The following REDIC1 variants were observed in gnomAD, a reference collection of about 807,000 sequenced individuals.
REDIC1 encodes the protein HEI10 Interacting Protein 1.
the REDIC1 span, among the ~76,000 whole-genome samples, chr12:39,773,762 C>G: frequency 6.6e-6 from 1 of 152,046 alleles, no homozygotes; most frequent in African/African-American, 2.4e-5. Context: ...GTATAAAAAC[C>G]AAAACTTCCA....
the REDIC1 span, among the ~76,000 whole-genome samples, chr12:39,880,519 T>C: frequency 6.6e-6 from 1 of 152,190 alleles, no homozygotes; most frequent in Non-Finnish European, 1.5e-5. Flanking sequence ...TACTAGTCAA[T>C]TGTATCATAC....
chr12:39,749,965 T>G, the REDIC1 span, among the ~76,000 whole-genome samples: 1 of 152,212 alleles, frequency 6.6e-6, no homozygotes, highest in Non-Finnish European at 1.5e-5. Flanking sequence ...AATATCATAC[T>G]GAATGGGCAA....
the REDIC1 span, chr12:39,682,647 T>G: frequency 6.2e-7 from 1 of 1,603,094 alleles, no homozygotes; most frequent in Non-Finnish European, 8.5e-7. Flanking sequence ...AAAGCCCTGC[T>G]GTAATTATGG....
the REDIC1 span, among the ~76,000 whole-genome samples, chr12:39,731,233 T>G: frequency 2.6e-5 from 4 of 152,024 alleles, no homozygotes; most frequent in Non-Finnish European, 4.4e-5. Context: ...GGAGAAGAGG[T>G]GTTCTGGTTT....
chr12:39,802,646 T>C, the REDIC1 span, among the ~76,000 whole-genome samples: 517 of 152,332 alleles, frequency 3.4e-3, 8 homozygotes, highest in African/African-American at 0.012. Flanking sequence ...TCTAGAACTA[T>C]ATGTATATAT....
At chr12:39,847,384 C>T in the REDIC1 span, among the ~76,000 whole-genome samples, 2 of 152,208 alleles carry the variant, frequency 1.3e-5, no homozygotes, top group South Asian at 4.1e-4. Context: ...CAAAAGAATA[C>T]ATTTCCCAGT....
chr12:39,776,617 C>A, the REDIC1 span, among the ~76,000 whole-genome samples: 1 of 152,158 alleles, frequency 6.6e-6, no homozygotes, highest in Admixed American at 6.5e-5. Flanking sequence ...AGAAGGGTCA[C>A]GGAGTTGACA....
chr12:39,628,471 G>C, the REDIC1 span, among the ~76,000 whole-genome samples: 30,611 of 152,028 alleles, frequency 0.2, 3,406 homozygotes, highest in African/African-American at 0.29. Flanking sequence ...CCCAAACCAT[G>C]CTGGAGTTCT....
chr12:39,725,112 G>T, the REDIC1 span, among the ~76,000 whole-genome samples: 1 of 151,972 alleles, frequency 6.6e-6, no homozygotes, highest in Non-Finnish European at 1.5e-5. Context: ...AAACATGAAA[G>T]CCACTGAAGA....
the REDIC1 span, among the ~76,000 whole-genome samples, chr12:39,857,277 C>T: frequency 0.015 from 2,210 of 152,246 alleles, 27 homozygotes; most frequent in Middle Eastern, 0.024. Flanking sequence ...GTACTGTGCT[C>T]ATTATGTGAC....
the REDIC1 span, among the ~76,000 whole-genome samples, chr12:39,817,592 G>C: frequency 6.6e-6 from 1 of 152,136 alleles, no homozygotes; most frequent in Non-Finnish European, 1.5e-5. Context: ...GTGAAACAAA[G>C]ATACAGAATG....
chr12:39,814,902 T>TATG, the REDIC1 span, among the ~76,000 whole-genome samples: 1 of 152,158 alleles, frequency 6.6e-6, no homozygotes, highest in African/African-American at 2.4e-5. Flanking sequence ...GGCAGAAAGA[T>TATG]ATGATAGATT....
the REDIC1 span, among the ~76,000 whole-genome samples, chr12:39,760,461 A>G: frequency 6.6e-6 from 1 of 152,018 alleles, no homozygotes; most frequent in Admixed American, 6.6e-5. Context: ...TCAAGTTTAG[A>G]AACTCAAGAA....
the REDIC1 span, among the ~76,000 whole-genome samples, chr12:39,724,722 GA>G: frequency 2.6e-5 from 4 of 152,052 alleles, no homozygotes; most frequent in South Asian, 2.1e-4. Context: ...GCCATCTGCT[GA>G]AAATTTAATA....
the REDIC1 span, among the ~76,000 whole-genome samples, chr12:39,845,005 C>T: frequency 6.7e-6 from 1 of 149,736 alleles, no homozygotes; most frequent in Non-Finnish European, 1.5e-5. Flanking sequence ...TTAAAGTGAC[C>T]ACTTGATAAA....
At chr12:39,748,746 G>A in the REDIC1 span, among the ~76,000 whole-genome samples, 1 of 152,190 alleles carries the variant, frequency 6.6e-6, no homozygotes, top group African/African-American at 2.4e-5. Flanking sequence ...AGCCAAACTA[G>A]AACTGAAGAT....
the REDIC1 span, among the ~76,000 whole-genome samples, chr12:39,678,517 GA>G: frequency 6.7e-6 from 1 of 148,442 alleles, no homozygotes; most frequent in Non-Finnish European, 1.5e-5. Context: ...ATTCAAAGAA[GA>G]ATTGGTACCA....
chr12:39,727,116 G>A, the REDIC1 span, among the ~76,000 whole-genome samples: 2 of 151,540 alleles, frequency 1.3e-5, no homozygotes, highest in Middle Eastern at 3.4e-3. Flanking sequence ...TCTGTAGGTT[G>A]CCTGTTCACT....
the REDIC1 span, chr12:39,692,036 G>T: frequency 6.4e-7 from 1 of 1,556,198 alleles, no homozygotes; most frequent in South Asian, 1.2e-5. Flanking sequence ...TTAACATTTT[G>T]GTTTTCTCCT....
Sources: allele counts gnomAD v4.1 joint callset (sites outside exome capture counted in the v4.1 genomes callset), GRCh38; gene constraint gnomAD v4.1.1; transcripts MANE v1.5; gene names NCBI Gene and HGNC (gene_info 2026-07-23, HGNC 2026-07-21).